Variants in PCED1B observed in about 807,000 individuals in gnomAD.
The protein encoded by PCED1B is PC-esterase domain-containing protein 1B.
For missense variants in PCED1B, 573 were observed against 573.9 expected, an observed-to-expected ratio of 1.00 and a Z score of 0.02; for synonymous variants, 251 against 246.1, an observed-to-expected ratio of 1.02 and a Z score of -0.19.
At chr12:47,156,898 C>T (rs1202180858) in intron 2 of PCED1B, among the ~76,000 whole-genome samples, 1 of 152,064 alleles carries the variant, frequency 6.6e-6, no homozygotes, top group South Asian at 2.1e-4. Context: ...TCAGCTTCCC[C>T]CTATGTAAAA....
At chr12:47,221,316 A>G (rs1346346362) in intron 3 of PCED1B, among the ~76,000 whole-genome samples, 1 of 148,592 alleles carries the variant, frequency 6.7e-6, no homozygotes, top group Non-Finnish European at 1.5e-5. Context: ...ATTGTTTCCA[A>G]TATTTGTTAG....
rs1418005248 is a variant in PCED1B, at chr12:47,222,336, C to T, written c.-58+5647C>T. Among the ~76,000 whole-genome samples, 6 of 147,034 alleles carry T rather than the reference C, an allele frequency of 4.1e-5. No individual in the cohort carries two copies. The East Asian group carries it at 6.1e-4, about 15-fold the overall frequency. ...ACTTGGGAGGCTGAGGCAGGAGAATCGCTTGAACCTGGGAGGCAGATGTTG... is the reference window on the plus strand; with the variant it reads ...ACTTGGGAGGCTGAGGCAGGAGAATTGCTTGAACCTGGGAGGCAGATGTTG... On this transcript the variant is annotated intron_variant, in intron 3 of 3. Transcript: ENST00000546455.
At chr12:47,135,609 C>A in intron 2 of PCED1B, 2 of 502,334 alleles carry the variant, frequency 4.0e-6, no homozygotes, top group Non-Finnish European at 8.1e-6. Context: ...GGGCCCCAGT[C>A]AGGTCACCAA....
At chr12:47,226,394 G>C (rs1302853952) in intron 3 of PCED1B, among the ~76,000 whole-genome samples, 2 of 152,102 alleles carry the variant, frequency 1.3e-5, no homozygotes, top group Non-Finnish European at 2.9e-5. Flanking sequence ...TTTTGAGATG[G>C]AGTGAGTCTC....
intron 2 of PCED1B, among the ~76,000 whole-genome samples, chr12:47,117,760 G>A (rs1209708491): frequency 6.6e-6 from 1 of 152,130 alleles, no homozygotes; most frequent in Non-Finnish European, 1.5e-5. Flanking sequence ...CTAGATCCTT[G>A]AGGAATCGCC....
rs779577253 is a variant in PCED1B at position 47,235,687 on chromosome 12, C to T, written c.624C>T (p.Asn208=). ...GCGCCACCGAGGCACGTAAACATAA[C>T]TTCGATGTACTGGACTTGCATTTCC... is the stretch of plus-strand genomic sequence containing the variant. ...FHSATEARKH[N]FDVLDLHFHF... Residue 208 remains asparagine, a synonymous_variant, in exon 4 of 4, where the codon AAC becomes AAT. Transcript: ENST00000546455. 2 of 1,613,256 alleles carry T rather than the reference C, an allele frequency of 1.2e-6. No homozygotes were observed. The highest frequency in any genetic ancestry group is 1.7e-5 in the Admixed American group (1 of 59,940).
At chr12:47,164,955 T>C (rs1941498168) in intron 2 of PCED1B, among the ~76,000 whole-genome samples, 1 of 152,190 alleles carries the variant, frequency 6.6e-6, no homozygotes, top group Non-Finnish European at 1.5e-5. Context: ...TGGGGAATAG[T>C]TGGAACTGTC....
At position 47,166,862 on chromosome 12, in the gene PCED1B, A is replaced by T. The variant is rs149833458; in HGVS notation, c.-525-49360A>T. Among the ~76,000 whole-genome samples, 349 of 152,328 alleles carry T rather than the reference A, an allele frequency of 2.3e-3. 1 individual carries two copies. Among genetic ancestry groups the T allele is most frequent in the African/African-American group, 7.3e-3 (304 of 41,580 alleles). ...AATCAAACAAATAACAGACAGATTAACAAGAGAAAAAAACAGTTTTAATTA... is the reference window on the plus strand; with the variant it reads ...AATCAAACAAATAACAGACAGATTATCAAGAGAAAAAAACAGTTTTAATTA... On this transcript the variant is annotated intron_variant, in intron 2 of 3. Coordinates refer to ENST00000546455, the MANE Select transcript of PCED1B (RefSeq NM_138371.3).
At chr12:47,138,624 T>C (rs1425127581) in intron 2 of PCED1B, among the ~76,000 whole-genome samples, 2 of 152,254 alleles carry the variant, frequency 1.3e-5, no homozygotes, top group Admixed American at 6.5e-5. Context: ...CTAAACTCTA[T>C]GGTGCCTCAT....
intron 3 of PCED1B, among the ~76,000 whole-genome samples, chr12:47,233,829 A>G (rs1246009413): frequency 6.6e-6 from 1 of 152,184 alleles, no homozygotes; most frequent in African/African-American, 2.4e-5. Flanking sequence ...TTGGGGTGGC[A>G]TATTCCGGTT....
chr12:47,134,025 A>G (rs1525444), intron 2 of PCED1B, among the ~76,000 whole-genome samples: 106,235 of 152,102 alleles, frequency 0.7, 37,256 homozygotes, highest in East Asian at 0.8. Context: ...CCGGAACTGT[A>G]ATAAATGAAT....
chr12:47,191,200 C>T (rs4768782), intron 2 of PCED1B, among the ~76,000 whole-genome samples: 31,842 of 152,064 alleles, frequency 0.21, 4,299 homozygotes, highest in Non-Finnish European at 0.31. Flanking sequence ...ACACACAGGG[C>T]TACTATGAGT....
chr12:47,152,252 A>G (rs1440654733), intron 2 of PCED1B, among the ~76,000 whole-genome samples: 1 of 152,220 alleles, frequency 6.6e-6, no homozygotes, highest in Non-Finnish European at 1.5e-5. Context: ...CATAAATTCC[A>G]GGTGGAGAAA....
At chr12:47,230,253 T>G (rs1008717451) in intron 3 of PCED1B, among the ~76,000 whole-genome samples, 1 of 149,078 alleles carries the variant, frequency 6.7e-6, no homozygotes, top group East Asian at 2.0e-4. Flanking sequence ...CCCTGCTAAT[T>G]TTTTGTACTT....
chr12:47,180,065 C>T (rs183529993), intron 2 of PCED1B, among the ~76,000 whole-genome samples: 1 of 152,278 alleles, frequency 6.6e-6, no homozygotes, highest in Non-Finnish European at 1.5e-5. Context: ...GCCCAGCATT[C>T]ATTAGCTGTT....
chr12:47,164,970 G>A (rs969539945), intron 2 of PCED1B, among the ~76,000 whole-genome samples: 8 of 152,200 alleles, frequency 5.3e-5, no homozygotes, highest in Non-Finnish European at 1.2e-4. Context: ...ACTGTCCCCT[G>A]AAACCATTCT....
intron 1 of PCED1B, among the ~76,000 whole-genome samples, chr12:47,096,103 G>A (rs190191716): frequency 1.6e-3 from 250 of 152,178 alleles, no homozygotes; most frequent in Middle Eastern, 0.014. Flanking sequence ...GGAGAAGAGC[G>A]AGGAGAGTCA....
intron 1 of PCED1B, among the ~76,000 whole-genome samples, chr12:47,083,056 A>G (rs927638919): frequency 1.3e-5 from 2 of 150,702 alleles, no homozygotes; most frequent in Non-Finnish European, 2.9e-5. Context: ...TGGAAATACT[A>G]TCTGCCTGAG....
rs760401885 is a variant in PCED1B, at chr12:47,235,882, G to A, written c.819G>A (p.Pro273=). Residue 273 remains proline, a synonymous_variant, in exon 4 of 4, where the codon CCG becomes CCA. Coordinates refer to ENST00000546455, the MANE Select transcript of PCED1B (RefSeq NM_138371.3). The part of the protein sequence containing the change: ...GEWIKKKKPG[P]RVEGPPQANR... The stretch of plus-strand genomic sequence containing the variant: ...GGATCAAGAAGAAAAAACCTGGCCC[G>A]AGAGTCGAAGGGCCGCCCCAGGCCA... The A allele has an allele frequency of 3.8e-5, 60 of 1,590,002 alleles. No individual in the cohort carries two copies. The highest frequency in any genetic ancestry group is 5.0e-5 in the Non-Finnish European group (59 of 1,168,642).
Sources: gnomAD v4.1 joint callset for allele counts (sites outside exome capture counted in the v4.1 genomes callset) on GRCh38, gnomAD v4.1.1 for gene constraint, MANE v1.5 for transcripts, NCBI Gene and HGNC (gene_info 2026-07-23, HGNC 2026-07-21) for gene names.